IL1RN: variants seen among roughly 807,000 people sequenced by gnomAD.
IL1RN encodes the protein interleukin 1 receptor antagonist.
Under a neutral mutation model 13.7 loss-of-function variants are expected in IL1RN, and 10 were observed. That is an observed-to-expected ratio of 0.73 (90% CI 0.45 to 1.24). The LOEUF is 1.24. Ranked by LOEUF, IL1RN falls within the 50% of genes most tolerant of loss-of-function variation. The pLI, the probability that IL1RN is intolerant of heterozygous loss-of-function variation, is 0.00. For synonymous variants in IL1RN, 102 were observed against 82.7 expected (o/e 1.23, Z -1.27); for missense variants, 213 against 222.1 (o/e 0.96, Z 0.26).
upstream of IL1RN, chr2:113,117,610 T>G: frequency 1.1e-5 from 3 of 283,392 alleles, no homozygotes; most frequent in Non-Finnish European, 2.0e-5. Flanking sequence ...AGCCAACACA[T>G]ATGTTTTGAA....
At chr2:113,131,242 G>T in intron 3 of IL1RN, 85 bp downstream of exon 3, 2 of 829,452 alleles carry the variant, frequency 2.4e-6, no homozygotes, top group South Asian at 2.7e-5. Context: ...TCTGTGGGTT[G>T]ACCAGGATTA....
intron 2 of IL1RN, chr2:113,120,235 A>C: frequency 1.2e-6 from 1 of 850,898 alleles, no homozygotes; most frequent in Non-Finnish European, 2.0e-6. Flanking sequence ...GGTTTAATTA[A>C]AAATTAATCA....
At chr2:113,099,736 T>TTTC in the IL1RN span, among the ~76,000 whole-genome samples, 2 of 105,542 alleles carry the variant, frequency 1.9e-5, no homozygotes, top group Non-Finnish European at 2.1e-5. Context: ...TTCTTTTTTT[T>TTTC]TTTTTTTTTT....
chr2:113,105,385 A>C (rs1573269968), upstream of IL1RN, among the ~76,000 whole-genome samples: 1 of 152,352 alleles, frequency 6.6e-6, no homozygotes, highest in Admixed American at 6.5e-5. Flanking sequence ...CTTACTTATC[A>C]TCCTGCTCAG....
chr2:113,113,054 A>G (rs970484803), upstream of IL1RN: 4 of 152,202 alleles, frequency 2.6e-5, no homozygotes, highest in Non-Finnish European at 5.9e-5. Flanking sequence ...GAATAATATC[A>G]GGAAGATTCG....
In IL1RN at chr2:113,133,049, G is replaced by GC; in HGVS notation, c.*180dup. 1 of 679,222 alleles carries GC rather than the reference G, an allele frequency of 1.5e-6. No individual in the cohort carries two copies. The highest frequency in any genetic ancestry group is 1.6e-5 in the South Asian group (1 of 62,816). The allele number at this position is 679,222 out of a possible 1,614,324, so 42.1% of individuals were successfully genotyped here. ...ACTCTGCCTCCTCTTCAACTGACCA[G>GC]CCTCCATGCTGCCTCCAGAATGGTC... On this transcript the variant is annotated 3_prime_UTR_variant, in exon 4 of 4. Coordinates refer to ENST00000409930, the MANE Select transcript of IL1RN (RefSeq NM_173842.3).
At chr2:113,117,993 ACCT>A (rs761727213) in exon 1 of IL1RN, 15 of 1,387,432 alleles carry the variant, frequency 1.1e-5, no homozygotes, top group Admixed American at 3.4e-5. Flanking sequence ...ACCTCAGAAG[ACCT>A]CCTGTCCTAT....
At chr2:113,118,237 C>T (rs1293524412) in intron 1 of IL1RN, among the ~76,000 whole-genome samples, 1 of 152,202 alleles carries the variant, frequency 6.6e-6, no homozygotes, top group Non-Finnish European at 1.5e-5. Context: ...GGCTGCAAGC[C>T]TAGTGCCTGC....
upstream of IL1RN, among the ~76,000 whole-genome samples, chr2:113,103,581 C>A (rs1686345623): frequency 6.6e-6 from 1 of 152,214 alleles, no homozygotes; most frequent in South Asian, 2.1e-4. Context: ...GCAGTGCTGA[C>A]ACCTTGATTT....
At chr2:113,132,370 C>T (rs1467830720) in intron 3 of IL1RN, among the ~76,000 whole-genome samples, 1 of 152,142 alleles carries the variant, frequency 6.6e-6, no homozygotes, top group Non-Finnish European at 1.5e-5. Flanking sequence ...ATCGCTTGAA[C>T]CCAGGAGGTG....
intron 3 of IL1RN, 55 bp downstream of exon 3, chr2:113,131,212 C>T: frequency 8.8e-7 from 1 of 1,142,198 alleles, no homozygotes; most frequent in South Asian, 1.2e-5. Flanking sequence ...CTTGAAACAA[C>T]CAAAATTTTT....
At position 113,118,015 on chromosome 2, in the gene IL1RN, C is replaced by G. The variant is rs1216168152; in HGVS notation, c.-4C>G. ...AAGACCTCCTGTCCTATGAGGCCCT[C>G]CCCATGGCTTTAGGTAAGCTCCTTC... On this transcript the variant is annotated 5_prime_UTR_variant, in exon 1 of 6. Transcript: ENST00000259206. 4 of 1,578,014 alleles carry G rather than the reference C, an allele frequency of 2.5e-6. No individual in the cohort carries two copies. In the African/African-American group the frequency reaches 5.4e-5, roughly 21 times the overall value.
chr2:113,129,277 C>T (rs1294672983), intron 1 of IL1RN, among the ~76,000 whole-genome samples: 2 of 152,162 alleles, frequency 1.3e-5, no homozygotes, highest in Non-Finnish European at 2.9e-5. Flanking sequence ...GATGTTGCTG[C>T]TCTACAGCAT....
At position 113,129,636 on chromosome 2, in the gene IL1RN, C is replaced by T; in HGVS notation, c.177C>T (p.Tyr59=). 6.2e-7 allele frequency: 1 copy of T among 1,611,932 alleles called. No homozygotes were observed. Residue 59 remains tyrosine (Y), a synonymous_variant, in exon 2 of 4, where the codon TAC becomes TAT. Coordinates refer to ENST00000409930, the MANE Select transcript of IL1RN (RefSeq NM_173842.3). ...GGAACAACCAACTAGTTGCTGGATACTTGCAAGGACCAAATGTCAATTTAG... is the reference window on the plus strand; with the variant it reads ...GGAACAACCAACTAGTTGCTGGATATTTGCAAGGACCAAATGTCAATTTAG... ...YLRNNQLVAG[Y]LQGPNVNLEE... is the part of the protein sequence containing the mutation.
upstream of IL1RN, among the ~76,000 whole-genome samples, chr2:113,105,307 C>T (rs1573269858): frequency 6.6e-6 from 1 of 152,318 alleles, no homozygotes; most frequent in East Asian, 1.9e-4. Context: ...AAAACCCTAA[C>T]ATTTCCAGCT....
At chr2:113,120,154 T>C in intron 2 of IL1RN, 1 of 1,558,078 alleles carries the variant, frequency 6.4e-7, no homozygotes, top group Non-Finnish European at 8.9e-7. Context: ...GATCCAAGTT[T>C]GAAAACAATT....
upstream of IL1RN, among the ~76,000 whole-genome samples, chr2:113,114,687 G>A (rs1686560102): frequency 6.6e-6 from 1 of 152,018 alleles, no homozygotes; most frequent in Non-Finnish European, 1.5e-5. Flanking sequence ...GTGTGAGAGA[G>A]AGAGAGAGAA....
the IL1RN span, among the ~76,000 whole-genome samples, chr2:113,099,766 G>C: frequency 1.2e-5 from 1 of 85,766 alleles, no homozygotes; most frequent in Non-Finnish European, 2.2e-5. Context: ...ACGGAGTCTC[G>C]CTCTGTCGCC....
rs1687261613 is a variant in IL1RN, at chr2:113,133,928, A to T, written c.*1057A>T. 6.5e-6 allele frequency: 1 copy of T among 152,708 alleles called. No individual in the cohort carries two copies. Among genetic ancestry groups the T allele is most frequent in the Non-Finnish European group, 1.5e-5 (1 of 68,072 alleles). 9.5% of individuals were successfully genotyped at this position (152,708 alleles called of 1,614,324 possible). A position where few individuals can be genotyped will look rare whatever the true frequency, so the allele number is the denominator to read the frequency against. ...CTAGCCTCGCTCTTGGCAGGTACTC[A>T]GCGAATGAATGCTGTATATGTTGGG... On this transcript the variant is annotated 3_prime_UTR_variant, in exon 4 of 4. Coordinates refer to ENST00000409930, the MANE Select transcript of IL1RN (RefSeq NM_173842.3).
Sources: allele counts gnomAD v4.1 joint callset (sites outside exome capture counted in the v4.1 genomes callset), GRCh38; gene constraint gnomAD v4.1.1; transcripts MANE v1.5; gene names NCBI Gene and HGNC (gene_info 2026-07-23, HGNC 2026-07-21).